Variants in DSCAM observed in about 807,000 individuals in gnomAD.
DSCAM encodes the protein cell adhesion molecule DSCAM.
In DSCAM, 47 loss-of-function variants were observed where a neutral mutation model predicts 217.7. The observed-to-expected ratio is 0.22, with a 90% CI of 0.17 to 0.28. The LOEUF is 0.28. Among genes scored for constraint, DSCAM ranks in the 10% least tolerant of loss-of-function variants. The pLI is 1.00. For missense variants in DSCAM, 2,080 were observed against 2,618.3 expected (o/e 0.79, Z 4.49); for synonymous variants, 1,056 against 1,015.3 (o/e 1.04, Z -0.76).
intron 3 of DSCAM, among the ~76,000 whole-genome samples, chr21:40,493,880 A>ATC: frequency 1.5e-5 from 1 of 66,218 alleles, no homozygotes; most frequent in South Asian, 6.5e-4. Flanking sequence ...AAAAAAAAAA[A>ATC]TATATACATA....
At chr21:40,139,513 A>C (rs2090262593) in intron 18 of DSCAM, among the ~76,000 whole-genome samples, 1 of 152,050 alleles carries the variant, frequency 6.6e-6, no homozygotes, top group African/African-American at 2.4e-5. Flanking sequence ...GAGGCCATCA[A>C]ATATGCATCT....
chr21:40,098,638 A>G (rs947536392), intron 20 of DSCAM, among the ~76,000 whole-genome samples: 8 of 152,244 alleles, frequency 5.3e-5, no homozygotes, highest in African/African-American at 1.9e-4. Flanking sequence ...AAGTTACAAT[A>G]CCAGTCATGC....
intron 20 of DSCAM, among the ~76,000 whole-genome samples, chr21:40,101,212 C>T (rs1234376035): frequency 1.3e-5 from 2 of 152,186 alleles, no homozygotes; most frequent in Non-Finnish European, 2.9e-5. Context: ...TCTTGGCTAG[C>T]TGAGGAAAAA....
chr21:40,538,649 CTGTTG>C (rs2076518753), intron 3 of DSCAM, among the ~76,000 whole-genome samples: 1 of 152,060 alleles, frequency 6.6e-6, no homozygotes, highest in African/African-American at 2.4e-5. Context: ...TTTTAATTTT[CTGTTG>C]TGTTTTGTTT....
intron 3 of DSCAM, among the ~76,000 whole-genome samples, chr21:40,457,236 G>A (rs962732734): frequency 3.2e-4 from 48 of 152,194 alleles, no homozygotes; most frequent in Admixed American, 2.7e-3. Context: ...GGCTGGCTGC[G>A]CATGGTAGCT....
At chr21:40,529,593 C>G (rs1045032004) in intron 3 of DSCAM, among the ~76,000 whole-genome samples, 2 of 152,004 alleles carry the variant, frequency 1.3e-5, no homozygotes, top group Admixed American at 6.5e-5. Context: ...CATCATGTCC[C>G]TCATATCAGC....
chr21:40,066,636 A>G (rs1457638055), intron 27 of DSCAM, among the ~76,000 whole-genome samples: 1 of 152,190 alleles, frequency 6.6e-6, no homozygotes, highest in East Asian at 1.9e-4. Flanking sequence ...AGACTTCACA[A>G]TTATTCCTAT....
At chr21:40,075,560 C>T (rs1255917014) in intron 26 of DSCAM, among the ~76,000 whole-genome samples, 3 of 152,146 alleles carry the variant, frequency 2.0e-5, no homozygotes, top group Non-Finnish European at 2.9e-5. Flanking sequence ...ACCCACAGTA[C>T]AATTGATAGA....
chr21:40,691,478 A>G (rs927544910), intron 3 of DSCAM, among the ~76,000 whole-genome samples: 1 of 152,190 alleles, frequency 6.6e-6, no homozygotes, highest in African/African-American at 2.4e-5. Flanking sequence ...TAGCCAGATG[A>G]CTGTCATCAA....
intron 9 of DSCAM, among the ~76,000 whole-genome samples, chr21:40,309,932 G>A (rs1361227151): frequency 6.6e-6 from 1 of 152,192 alleles, no homozygotes. Context: ...TGCTGTGGTG[G>A]TTAAAGTCAA....
At chr21:40,602,757 T>C (rs776220125) in intron 3 of DSCAM, among the ~76,000 whole-genome samples, 28 of 152,154 alleles carry the variant, frequency 1.8e-4, no homozygotes, top group Non-Finnish European at 2.9e-4. Context: ...ACCAATTTTA[T>C]TGACATTTTT....
chr21:40,209,138 T>C (rs772622164), intron 11 of DSCAM, among the ~76,000 whole-genome samples: 39 of 152,170 alleles, frequency 2.6e-4, no homozygotes, highest in Non-Finnish European at 3.7e-4. Context: ...CGTCTTCCAC[T>C]TGGGACTCTC....
intron 1 of DSCAM, among the ~76,000 whole-genome samples, chr21:40,752,797 A>C (rs990292557): frequency 6.6e-6 from 1 of 152,190 alleles, no homozygotes; most frequent in Non-Finnish European, 1.5e-5. Flanking sequence ...AAAGAATTAC[A>C]AAAGGAAGGA....
intron 3 of DSCAM, among the ~76,000 whole-genome samples, chr21:40,535,181 T>C (rs1050522263): frequency 1.3e-5 from 2 of 152,216 alleles, no homozygotes; most frequent in Non-Finnish European, 2.9e-5. Flanking sequence ...CTTAAAGGTG[T>C]AGGGGAGAAT....
chr21:40,251,963 C>T (rs1280149348), intron 11 of DSCAM, among the ~76,000 whole-genome samples: 2 of 152,128 alleles, frequency 1.3e-5, no homozygotes, highest in Non-Finnish European at 2.9e-5. Context: ...GGCCAACAGC[C>T]AAAGAGTAAG....
intron 8 of DSCAM, among the ~76,000 whole-genome samples, chr21:40,328,671 G>C (rs2074343525): frequency 1.3e-5 from 2 of 152,082 alleles, no homozygotes; most frequent in Non-Finnish European, 2.9e-5. Flanking sequence ...CACAGCAAAG[G>C]AATCAATCAC....
chr21:40,232,594 G>T (rs934816239), intron 11 of DSCAM, among the ~76,000 whole-genome samples: 8 of 152,126 alleles, frequency 5.3e-5, no homozygotes, highest in Admixed American at 6.6e-5. Context: ...GTAGATAAGT[G>T]TCTTCTACCT....
intron 3 of DSCAM, among the ~76,000 whole-genome samples, chr21:40,543,778 G>A (rs1442733448): frequency 6.6e-6 from 1 of 152,140 alleles, no homozygotes; most frequent in East Asian, 1.9e-4. Flanking sequence ...TTTTAGGACT[G>A]TCCCCAGGCA....
chr21:40,501,383 T>C (rs2076169114), intron 3 of DSCAM, among the ~76,000 whole-genome samples: 1 of 152,152 alleles, frequency 6.6e-6, no homozygotes, highest in Non-Finnish European at 1.5e-5. Flanking sequence ...GTGTTATATT[T>C]AGTATTATTC....
Sources: gnomAD v4.1 joint callset for allele counts (sites outside exome capture counted in the v4.1 genomes callset) on GRCh38, gnomAD v4.1.1 for gene constraint, MANE v1.5 for transcripts, NCBI Gene and HGNC (gene_info 2026-07-23, HGNC 2026-07-21) for gene names.